RNF17: variants seen among roughly 807,000 people sequenced by gnomAD.
RNF17 encodes the protein ring finger protein 17.
In RNF17, 31 loss-of-function variants were observed where a neutral mutation model predicts 200.5. The observed-to-expected ratio is 0.15, with a 90% CI of 0.12 to 0.21. The LOEUF is 0.21. Among genes scored for constraint, RNF17 ranks in the 10% least tolerant of loss-of-function variants. The pLI, the probability that RNF17 is intolerant of heterozygous loss-of-function variation, is 1.00. For synonymous variants in RNF17, 606 were observed against 637.8 expected (o/e 0.95, Z 0.75); for missense variants, 1,628 against 1,905.1 (o/e 0.85, Z 2.71).
intron 17 of RNF17, 42 bp downstream of exon 17, chr13:24,830,641 C>A: frequency 7.8e-7 from 1 of 1,278,816 alleles, no homozygotes; most frequent in South Asian, 1.3e-5. Flanking sequence ...AATATCAGCA[C>A]AAATATGGAA....
chr13:24,846,383 C>G (rs1206029207), intron 22 of RNF17, among the ~76,000 whole-genome samples: 1 of 152,128 alleles, frequency 6.6e-6, no homozygotes, highest in Non-Finnish European at 1.5e-5. Context: ...GATATCTAGC[C>G]TCTAAGCCAA....
intron 15 of RNF17, among the ~76,000 whole-genome samples, chr13:24,821,072 CCT>C (rs1437008800): frequency 6.6e-6 from 1 of 152,120 alleles, no homozygotes; most frequent in Non-Finnish European, 1.5e-5. Flanking sequence ...ATCCATTTCA[CCT>C]CTCTGCTTTA....
At chr13:24,878,181 G>T (rs1414440643) in intron 34 of RNF17, among the ~76,000 whole-genome samples, 1 of 152,184 alleles carries the variant, frequency 6.6e-6, no homozygotes, top group Non-Finnish European at 1.5e-5. Flanking sequence ...CACTGGCTAT[G>T]ACAAAAATGA....
chr13:24,888,579 A>G, the RNF17 span, among the ~76,000 whole-genome samples: 1 of 112,750 alleles, frequency 8.9e-6, no homozygotes, highest in African/African-American at 2.6e-5. Context: ...TGCTGACAGT[A>G]AAAAAAACTG....
chr13:24,824,975 A>G (rs1888462064), intron 15 of RNF17, among the ~76,000 whole-genome samples: 1 of 152,202 alleles, frequency 6.6e-6, no homozygotes, highest in Non-Finnish European at 1.5e-5. Flanking sequence ...CCTTAGGAGT[A>G]ACTTTCAGCC....
At chr13:24,884,507 C>T (rs374444363), downstream of RNF17, 61 of 1,601,242 alleles carry the variant, frequency 3.8e-5, no homozygotes, top group East Asian at 1.3e-4. Context: ...TTTCTCCTGA[C>T]GAAAGTATGG....
At chr13:24,814,612 T>G (rs141825927) in intron 15 of RNF17, among the ~76,000 whole-genome samples, 14 of 152,342 alleles carry the variant, frequency 9.2e-5, no homozygotes, top group Non-Finnish European at 1.6e-4. Flanking sequence ...CAGCACTATT[T>G]GTTGAAAACA....
chr13:24,809,385 G>A (rs963496376), intron 15 of RNF17, among the ~76,000 whole-genome samples: 8 of 151,862 alleles, frequency 5.3e-5, no homozygotes, highest in South Asian at 2.1e-4. Context: ...AGAGTGTGTC[G>A]AGGAATTTAT....
At position 24,804,269 on chromosome 13, in the gene RNF17, T is replaced by C; in HGVS notation, c.1950-19T>C. The C allele has an allele frequency of 6.2e-7, 1 of 1,607,868 alleles. No homozygotes were observed. Among genetic ancestry groups the C allele is most frequent in the Non-Finnish European group, 8.5e-7 (1 of 1,176,004 alleles). ...CAGGGTGAGACCCTGCTTACGCTTTTCATTATGCTTTTAATTAGGTTTAAG... is the reference window on the plus strand; with the variant it reads ...CAGGGTGAGACCCTGCTTACGCTTTCCATTATGCTTTTAATTAGGTTTAAG... On this transcript the variant is annotated intron_variant, in intron 14 of 35. Coordinates refer to ENST00000255324, the MANE Select transcript of RNF17 (RefSeq NM_031277.3).
intron 32 of RNF17, among the ~76,000 whole-genome samples, chr13:24,873,059 A>G (rs965928813): frequency 6.6e-6 from 1 of 152,194 alleles, no homozygotes; most frequent in Non-Finnish European, 1.5e-5. Flanking sequence ...AAATAAGAGC[A>G]ATGTAATTGA....
chr13:24,877,605 G>A (rs1027135315), intron 34 of RNF17, among the ~76,000 whole-genome samples: 1 of 152,308 alleles, frequency 6.6e-6, no homozygotes, highest in Admixed American at 6.5e-5. Context: ...GGACAGGAAA[G>A]GGTGTTTGAG....
chr13:24,879,324 G>T, intron 35 of RNF17, 29 bp downstream of exon 35: 1 of 1,368,636 alleles, frequency 7.3e-7, no homozygotes, highest in East Asian at 2.3e-5. Context: ...CATAGCATAA[G>T]GCATGGGACT....
At chr13:24,818,972 C>T (rs1887718810) in intron 15 of RNF17, among the ~76,000 whole-genome samples, 1 of 151,844 alleles carries the variant, frequency 6.6e-6, no homozygotes. Context: ...CCATTAGAGC[C>T]CTCTTTTGTG....
chr13:24,863,233 G>GT (rs750033009), intron 28 of RNF17, among the ~76,000 whole-genome samples: 1 of 152,292 alleles, frequency 6.6e-6, no homozygotes, highest in Non-Finnish European at 1.5e-5. Flanking sequence ...GCACTACAAA[G>GT]TAACATGCCA....
intron 5 of RNF17, among the ~76,000 whole-genome samples, chr13:24,779,952 G>T (rs923839805): frequency 6.6e-6 from 1 of 152,174 alleles, no homozygotes; most frequent in African/African-American, 2.4e-5. Context: ...TAAAATTCCA[G>T]CTTTAATAAG....
chr13:24,852,509 G>T (rs1892052253), intron 24 of RNF17, among the ~76,000 whole-genome samples: 1 of 152,102 alleles, frequency 6.6e-6, no homozygotes, highest in Admixed American at 6.6e-5. Flanking sequence ...TAGCCACTTT[G>T]TACCATATAT....
intron 16 of RNF17, among the ~76,000 whole-genome samples, chr13:24,828,985 T>A (rs999451655): frequency 9.2e-5 from 14 of 151,912 alleles, no homozygotes; most frequent in African/African-American, 3.4e-4. Flanking sequence ...ATTTATATAT[T>A]TTTTTTGTAG....
chr13:24,857,364 A>C (rs2138277398), intron 25 of RNF17, among the ~76,000 whole-genome samples: 1 of 152,258 alleles, frequency 6.6e-6, no homozygotes, highest in Non-Finnish European at 1.5e-5. Context: ...TTTAGAACTT[A>C]GGCCACCAGT....
chr13:24,814,342 A>C (rs1028531147), intron 15 of RNF17, among the ~76,000 whole-genome samples: 1 of 152,070 alleles, frequency 6.6e-6, no homozygotes, highest in Non-Finnish European at 1.5e-5. Context: ...TTGTCTTTTC[A>C]CTTTCTTGAT....
Sources: allele counts gnomAD v4.1 joint callset (sites outside exome capture counted in the v4.1 genomes callset), GRCh38; gene constraint gnomAD v4.1.1; transcripts MANE v1.5; gene names NCBI Gene and HGNC (gene_info 2026-07-23, HGNC 2026-07-21).